Variants in DISP1 observed in about 807,000 individuals in gnomAD.
DISP1 encodes dispatched RND transporter family member 1.
Under a neutral mutation model 37.3 loss-of-function variants are expected in DISP1, and 30 were observed. The observed-to-expected ratio is 0.80, with a 90% CI of 0.60 to 1.09. The LOEUF (loss-of-function observed/expected upper bound fraction) is 1.09. Ranked by LOEUF, DISP1 falls within the 50% of genes least tolerant of loss-of-function variation. The probability of loss-of-function intolerance (pLI) is 0.00; values close to 1 mark genes in which losing one functional copy is unlikely to be tolerated. For missense variants in DISP1, 1,598 were observed against 1,879.5 expected (o/e 0.85, Z 2.77); for synonymous variants, 634 against 690.2 (o/e 0.92, Z 1.28).
At chr1:222,842,313 T>A (rs67283217) in intron 1 of DISP1, among the ~76,000 whole-genome samples, 100,051 of 148,736 alleles carry the variant, frequency 0.67, 33,507 homozygotes, top group Middle Eastern at 0.74. Context: ...CCTGTCATTT[T>A]AAAAAAAAAA....
intron 1 of DISP1, among the ~76,000 whole-genome samples, chr1:222,847,819 TA>T (rs991941777): frequency 1.1e-4 from 16 of 152,262 alleles, no homozygotes; most frequent in Admixed American, 3.3e-4. Flanking sequence ...GCCCAATGGT[TA>T]AAAATAATAG....
intron 1 of DISP1, among the ~76,000 whole-genome samples, chr1:222,910,854 G>T (rs1490260545): frequency 6.6e-6 from 1 of 152,202 alleles, no homozygotes; most frequent in Non-Finnish European, 1.5e-5. Context: ...TTGCATTTAG[G>T]TAGTGACTCA....
rs773308344 is a variant in DISP1, at chr1:223,003,753, C to A, written c.2356C>A (p.Pro786Thr). 4 of 1,614,150 alleles carry A rather than the reference C, an allele frequency of 2.5e-6. No individual in the cohort carries two copies. In the South Asian group the frequency reaches 4.4e-5, roughly 18 times the overall value. The change falls in exon 9 of 9, where the codon CCC becomes ACC. Residue 786 changes from proline (P) to threonine (T), a missense_variant. Physicochemically the swap from Pro to Thr is conservative, Grantham distance 38 (BLOSUM62 -1). Coordinates refer to ENST00000675850, the MANE Select transcript of DISP1 (RefSeq NM_001377229.1). This position sits in a 1 kb window ranked among gnomAD's most constrained non-coding sequence, Gnocchi z 4.3. ...TCACCATGGCGAGGAGCTCCACATGCCCATCACAGTAATCTGGGGCGTGTC... is the reference window on the plus strand; with the variant it reads ...TCACCATGGCGAGGAGCTCCACATGACCATCACAGTAATCTGGGGCGTGTC... ...RVHHGEELHM[P>T]ITVIWGVSPE...
At chr1:222,866,155 G>A (rs1669176415) in intron 1 of DISP1, among the ~76,000 whole-genome samples, 1 of 152,062 alleles carries the variant, frequency 6.6e-6, no homozygotes, top group African/African-American at 2.4e-5. Context: ...AACTGTTGGG[G>A]TACTCTTTTT....
intron 1 of DISP1, among the ~76,000 whole-genome samples, chr1:222,851,275 A>G (rs1264938998): frequency 2.0e-5 from 3 of 152,152 alleles, no homozygotes; most frequent in South Asian, 2.1e-4. Context: ...CATGTTGGCC[A>G]GGCTGGTCTT....
intron 1 of DISP1, among the ~76,000 whole-genome samples, chr1:222,860,910 T>G (rs992107310): frequency 6.6e-6 from 1 of 152,084 alleles, no homozygotes; most frequent in African/African-American, 2.4e-5. Flanking sequence ...AGAAAGTGAT[T>G]GCTAGAAAAA....
intron 1 of DISP1, among the ~76,000 whole-genome samples, chr1:222,852,334 GT>G (rs1433931472): frequency 6.7e-6 from 1 of 148,580 alleles, no homozygotes; most frequent in Non-Finnish European, 1.5e-5. Flanking sequence ...GTTGTTTTTT[GT>G]TTGTTTGTTT....
chr1:222,822,238 C>G (rs1033510893), intron 1 of DISP1, among the ~76,000 whole-genome samples: 1 of 152,176 alleles, frequency 6.6e-6, no homozygotes, highest in African/African-American at 2.4e-5. Flanking sequence ...AACCATTTCA[C>G]TTGTGTTCAG....
chr1:222,848,447 A>T (rs895444279), intron 1 of DISP1, among the ~76,000 whole-genome samples: 11 of 98,926 alleles, frequency 1.1e-4, no homozygotes, highest in Admixed American at 6.3e-4. Flanking sequence ...GTGGCTTTTT[A>T]AAAAAAATAA....
intron 4 of DISP1, among the ~76,000 whole-genome samples, chr1:222,989,731 A>C (rs1678545595): frequency 1.3e-5 from 2 of 152,166 alleles, no homozygotes; most frequent in African/African-American, 4.8e-5. Flanking sequence ...CATGGAACTC[A>C]CATATCTAGT....
At position 222,991,513 on chromosome 1, in the gene DISP1, G is replaced by T; in HGVS notation, c.664-7G>T. 3.1e-6 allele frequency: 5 copies of T among 1,613,636 alleles called. No homozygotes were observed. The highest frequency in any genetic ancestry group is 4.2e-6 in the Non-Finnish European group (5 of 1,179,720). On this transcript the variant is annotated splice_region_variant and splice_polypyrimidine_tract_variant and intron_variant, in intron 5 of 8. Coordinates refer to ENST00000675850, the MANE Select transcript of DISP1 (RefSeq NM_001377229.1). ...TATACTAATGAGCACCTGTAATTTT[G>T]CCTTAGGGTTTTGAACCAAGAGGAA...
intron 1 of DISP1, among the ~76,000 whole-genome samples, chr1:222,926,898 T>C (rs1055151128): frequency 6.6e-6 from 1 of 152,138 alleles, no homozygotes; most frequent in African/African-American, 2.4e-5. Flanking sequence ...CTTGTTTGAG[T>C]GACTCACGTT....
chr1:222,921,670 A>G (rs2609397), intron 1 of DISP1, among the ~76,000 whole-genome samples: 38,434 of 152,084 alleles, frequency 0.25, 5,107 homozygotes, highest in South Asian at 0.46. Context: ...ATATTAATTT[A>G]CAGACTACAT....
chr1:222,993,644 A>T (rs928188076), intron 7 of DISP1, among the ~76,000 whole-genome samples: 2 of 152,214 alleles, frequency 1.3e-5, no homozygotes, highest in African/African-American at 4.8e-5. Flanking sequence ...TCTCTTAAAA[A>T]ACATTAGGAA....
chr1:222,882,308 T>C (rs1452379283), intron 1 of DISP1, among the ~76,000 whole-genome samples: 1 of 152,214 alleles, frequency 6.6e-6, no homozygotes, highest in Non-Finnish European at 1.5e-5. Flanking sequence ...TCGTTCAGCC[T>C]CTCAAATTAA....
intron 1 of DISP1, among the ~76,000 whole-genome samples, chr1:222,909,806 T>C (rs1309961117): frequency 2.0e-5 from 3 of 152,176 alleles, no homozygotes; most frequent in Non-Finnish European, 2.9e-5. Flanking sequence ...GTTGCTCAAC[T>C]ACTCCTCAGC....
intron 1 of DISP1, among the ~76,000 whole-genome samples, chr1:222,842,155 G>A (rs1667645093): frequency 6.6e-6 from 1 of 151,998 alleles, no homozygotes; most frequent in Admixed American, 6.6e-5. Flanking sequence ...AAATCAAGGT[G>A]CTTAAATTCA....
chr1:222,829,821 G>C (rs1468746550), intron 1 of DISP1, among the ~76,000 whole-genome samples: 1 of 152,032 alleles, frequency 6.6e-6, no homozygotes, highest in African/African-American at 2.4e-5. Flanking sequence ...TACCTGCATA[G>C]GATACATGTG....
rs556603523 is a variant in DISP1, at chr1:222,987,538, A to G, written c.540-3087A>G. Among the ~76,000 whole-genome samples the G allele has an allele frequency of 3.9e-5, 6 of 152,384 alleles. No individual in the cohort carries two copies. The East Asian group carries it at 1.2e-3, about 29-fold the overall frequency. ...GTTTCCATATGTAGTCAGTGCACGTATATGGTGTGTAGCAGTGCTGTAAAA... is the reference window on the plus strand; with the variant it reads ...GTTTCCATATGTAGTCAGTGCACGTGTATGGTGTGTAGCAGTGCTGTAAAA... On this transcript the variant is annotated intron_variant, in intron 4 of 8. Coordinates refer to ENST00000675850, the MANE Select transcript of DISP1 (RefSeq NM_001377229.1).
Sources: gnomAD v4.1 joint callset for allele counts (sites outside exome capture counted in the v4.1 genomes callset) on GRCh38, gnomAD v4.1.1 for gene constraint, Gnocchi (gnomAD v3.1) non-coding constraint, MANE v1.5 for transcripts, NCBI Gene and HGNC (gene_info 2026-07-23, HGNC 2026-07-21) for gene names.